Variants in LPXN observed in about 807,000 individuals in gnomAD.
LPXN encodes the protein leupaxin.
A neutral mutation model predicts 45.6 loss-of-function variants in LPXN; 28 were observed. The observed-to-expected ratio is 0.61, with a 90% confidence interval of 0.45 to 0.84. The LOEUF is 0.84. Among genes scored for constraint, LPXN ranks in the 40% least tolerant of loss-of-function variants. LPXN has a pLI of 0.00. For synonymous variants in LPXN, 166 were observed against 169.9 expected (o/e 0.98, Z 0.18); for missense variants, 459 against 475.0 (o/e 0.97, Z 0.31).
intron 7 of LPXN, among the ~76,000 whole-genome samples, chr11:58,549,501 A>G (rs1853974689): frequency 6.6e-6 from 1 of 152,234 alleles, no homozygotes; most frequent in Non-Finnish European, 1.5e-5. Context: ...GAGATGAGAA[A>G]GGGACTTTTT....
intron 3 of LPXN, among the ~76,000 whole-genome samples, chr11:58,557,569 A>T (rs1192823597): frequency 1.3e-5 from 2 of 152,296 alleles, no homozygotes; most frequent in East Asian, 3.9e-4. Context: ...AAATGGGGAC[A>T]TGTAGGTTAG....
At chr11:58,541,439 A>G (rs1474271966) in intron 7 of LPXN, among the ~76,000 whole-genome samples, 1 of 152,230 alleles carries the variant, frequency 6.6e-6, no homozygotes, top group African/African-American at 2.4e-5. Flanking sequence ...ACATGGAAAA[A>G]TGCTCATCAT....
chr11:58,571,654 G>GT (rs1157000081), intron 1 of LPXN, among the ~76,000 whole-genome samples: 11 of 145,814 alleles, frequency 7.5e-5, no homozygotes, highest in Non-Finnish European at 1.4e-4. Context: ...TACTCTTTCA[G>GT]TTTTTTTTCT....
chr11:58,554,166 AG>A (rs1372366422), intron 4 of LPXN: 1 of 152,052 alleles, frequency 6.6e-6, no homozygotes, highest in Admixed American at 6.6e-5. Context: ...AACAAAAATG[AG>A]CCGTGCACAG....
intron 3 of LPXN, among the ~76,000 whole-genome samples, chr11:58,560,406 G>C (rs935376887): frequency 8.5e-5 from 13 of 152,150 alleles, no homozygotes; most frequent in Non-Finnish European, 1.3e-4. Context: ...AAACTGCAGA[G>C]AAATATACAG....
At chr11:58,550,468 C>G (rs929345403) in intron 5 of LPXN, among the ~76,000 whole-genome samples, 4 of 152,198 alleles carry the variant, frequency 2.6e-5, no homozygotes, top group African/African-American at 9.7e-5. Flanking sequence ...GTAACTGTAG[C>G]CTTAGTGTGG....
chr11:58,564,451 C>G (rs1944054), intron 2 of LPXN, among the ~76,000 whole-genome samples: 74,029 of 151,962 alleles, frequency 0.49, 18,906 homozygotes, highest in African/African-American at 0.65. Context: ...AAAAACCACC[C>G]AAATAGAGAA....
upstream of LPXN, chr11:58,578,014 C>G: frequency 6.4e-7 from 1 of 1,550,946 alleles, no homozygotes; most frequent in Non-Finnish European, 8.7e-7. Context: ...GAGTGACTCA[C>G]ACACCGGAAG....
upstream of LPXN, chr11:58,578,348 T>C (rs573826313): frequency 4.3e-5 from 10 of 234,596 alleles, no homozygotes; most frequent in African/African-American, 2.3e-4. Context: ...TCTCCACCTC[T>C]GGTTTCCCAT....
At chr11:58,554,127 T>C (rs1190913067) in intron 4 of LPXN, 1 of 152,282 alleles carries the variant, frequency 6.6e-6, no homozygotes, top group Non-Finnish European at 1.5e-5. Flanking sequence ...CTGGCCAAGA[T>C]GGTGAAACTC....
chr11:58,527,184 A>G lies in LPXN; in HGVS notation c.*270T>C. The G allele has an allele frequency of 2.5e-6, 1 of 393,294 alleles. No homozygotes were observed. Among genetic ancestry groups the G allele is most frequent in the Non-Finnish European group, 4.7e-6 (1 of 213,352 alleles). 24.4% of individuals were successfully genotyped at this position (393,294 alleles called of 1,614,324 possible). On this transcript the variant is annotated 3_prime_UTR_variant, in exon 9 of 9. Coordinates refer to ENST00000395074, the MANE Select transcript of LPXN (RefSeq NM_004811.3). ...AAGTGGAAAATACATCTGTAGAGGGACGAGATAGAAGGACCTAGATCTAAC... is the reference window on the plus strand; with the variant it reads ...AAGTGGAAAATACATCTGTAGAGGGGCGAGATAGAAGGACCTAGATCTAAC...
chr11:58,556,627 T>C (rs147862122), intron 3 of LPXN, among the ~76,000 whole-genome samples: 143 of 152,150 alleles, frequency 9.4e-4, no homozygotes, highest in African/African-American at 3.0e-3. Context: ...GTAAGATAAA[T>C]GACTGAACAA....
At chr11:58,553,813 T>G (rs967300028) in intron 4 of LPXN, 3 of 152,194 alleles carry the variant, frequency 2.0e-5, no homozygotes, top group Admixed American at 1.3e-4. Flanking sequence ...TTAAGCCCAT[T>G]TATCTGAGAT....
intron 7 of LPXN, among the ~76,000 whole-genome samples, chr11:58,543,134 A>G (rs1853779484): frequency 6.6e-6 from 1 of 152,248 alleles, no homozygotes; most frequent in South Asian, 2.1e-4. Flanking sequence ...AGTAGGTCGT[A>G]GTTAGTTGGC....
upstream of LPXN, among the ~76,000 whole-genome samples, chr11:58,577,173 TCTG>T (rs1450045367): frequency 6.6e-6 from 1 of 151,796 alleles, no homozygotes; most frequent in Non-Finnish European, 1.5e-5. Flanking sequence ...AGATTCCTCC[TCTG>T]TATTACTTTG....
chr11:58,533,731 T>C (rs941113587), intron 7 of LPXN, among the ~76,000 whole-genome samples: 4 of 151,838 alleles, frequency 2.6e-5, no homozygotes, highest in African/African-American at 7.3e-5. Context: ...GACTGGCAAA[T>C]TGGATAAAGA....
upstream of LPXN, chr11:58,578,303 T>G (rs964654279): frequency 5.5e-6 from 2 of 363,436 alleles, no homozygotes; most frequent in Non-Finnish European, 1.0e-5. Context: ...AAACTACCTT[T>G]CCCGTCGTGA....
At chr11:58,565,458 C>T (rs901899115) in intron 2 of LPXN, among the ~76,000 whole-genome samples, 29 of 151,242 alleles carry the variant, frequency 1.9e-4, no homozygotes, top group African/African-American at 6.3e-4. Context: ...TGCTTGAACC[C>T]GGGAGGCAGA....
intron 3 of LPXN, among the ~76,000 whole-genome samples, chr11:58,561,652 C>CCAAATGCAGAA (rs1854381890): frequency 6.6e-6 from 1 of 152,166 alleles, no homozygotes; most frequent in African/African-American, 2.4e-5. Flanking sequence ...TGCCCTATGC[C>CCAAATGCAGAA]CAAATGCAGA....
Sources: allele counts gnomAD v4.1 joint callset (sites outside exome capture counted in the v4.1 genomes callset), GRCh38; gene constraint gnomAD v4.1.1; transcripts MANE v1.5; gene names NCBI Gene and HGNC (gene_info 2026-07-23, HGNC 2026-07-21).